The following PIP5K1B variants were observed in gnomAD, a reference collection of about 807,000 sequenced individuals.
PIP5K1B encodes phosphatidylinositol 4-phosphate 5-kinase type-1 beta.
PIP5K1B carries 42 observed loss-of-function variants against 67.0 expected under a neutral mutation model. The ratio of observed to expected loss-of-function variants is 0.63; its 90% CI spans 0.49 to 0.81. The LOEUF (loss-of-function observed/expected upper bound fraction) is 0.81. Ranked by LOEUF, PIP5K1B falls within the 30% of genes least tolerant of loss-of-function variation. PIP5K1B has a pLI of 0.00. For missense variants in PIP5K1B, 459 were observed against 646.3 expected (o/e 0.71, Z 3.14); for synonymous variants, 214 against 231.4 (o/e 0.92, Z 0.68).
intron 2 of PIP5K1B, among the ~76,000 whole-genome samples, chr9:68,807,523 C>A (rs1440010424): frequency 6.6e-6 from 1 of 152,190 alleles, no homozygotes; most frequent in Non-Finnish European, 1.5e-5. Flanking sequence ...AGACACCTGG[C>A]AGGGTAACTA....
intron 2 of PIP5K1B, among the ~76,000 whole-genome samples, chr9:68,754,175 C>CTTTTTTTTTTTCTTTTTTTTTTTTTT (rs564811222): frequency 9.9e-6 from 1 of 101,074 alleles, no homozygotes; most frequent in Non-Finnish European, 1.9e-5. Flanking sequence ...TCCATGATTT[C>CTTTTTTTTTTTCTTTTTTTTTTTTTT]TTTTTTTTTT....
chr9:68,759,958 A>G (rs1830112303), intron 2 of PIP5K1B, among the ~76,000 whole-genome samples: 1 of 152,152 alleles, frequency 6.6e-6, no homozygotes, highest in Non-Finnish European at 1.5e-5. Context: ...TTTGTAAAAA[A>G]TGAAAAGAAA....
At chr9:68,974,035 G>A (rs1244861159) in intron 14 of PIP5K1B, among the ~76,000 whole-genome samples, 1 of 152,110 alleles carries the variant, frequency 6.6e-6, no homozygotes, top group Admixed American at 6.5e-5. Flanking sequence ...GTGCCACCAT[G>A]CCTGGCTAAT....
chr9:68,806,618 C>A (rs1431520997), intron 2 of PIP5K1B, among the ~76,000 whole-genome samples: 1 of 152,210 alleles, frequency 6.6e-6, no homozygotes, highest in African/African-American at 2.4e-5. Flanking sequence ...CCCTTGAATT[C>A]CCATCGTATC....
intron 4 of PIP5K1B, among the ~76,000 whole-genome samples, chr9:68,851,473 A>G (rs1021866049): frequency 6.6e-6 from 1 of 152,240 alleles, no homozygotes; most frequent in Non-Finnish European, 1.5e-5. Context: ...ATGCTGCAGA[A>G]ATTATATCAG....
At chr9:68,973,093 G>A (rs1829470558) in intron 14 of PIP5K1B, among the ~76,000 whole-genome samples, 1 of 152,194 alleles carries the variant, frequency 6.6e-6, no homozygotes, top group Admixed American at 6.5e-5. Context: ...GCCCAAGCAA[G>A]CCCCAGCTAA....
At chr9:68,779,129 G>GA (rs11398004) in intron 2 of PIP5K1B, among the ~76,000 whole-genome samples, 10,939 of 144,200 alleles carry the variant, frequency 0.076, 872 homozygotes, top group African/African-American at 0.2. Flanking sequence ...TAAGTATGCT[G>GA]AAAAAAAAAA....
At chr9:68,780,114 G>C in intron 2 of PIP5K1B, 1 of 1,481,522 alleles carries the variant, frequency 6.7e-7, no homozygotes, top group Non-Finnish European at 8.9e-7. Context: ...TGCGGGGAAT[G>C]GGAATCCTAG....
intron 14 of PIP5K1B, among the ~76,000 whole-genome samples, chr9:68,983,362 G>A (rs1328784458): frequency 6.6e-6 from 1 of 152,176 alleles, no homozygotes; most frequent in African/African-American, 2.4e-5. Flanking sequence ...TGTGGAGGAT[G>A]TGGCTCATGC....
chr9:68,929,918 C>T (rs775312558), intron 12 of PIP5K1B, among the ~76,000 whole-genome samples: 6 of 152,252 alleles, frequency 3.9e-5, no homozygotes, highest in Non-Finnish European at 8.8e-5. Flanking sequence ...GATCCACCCA[C>T]CTTGGCCTCC....
intron 6 of PIP5K1B, among the ~76,000 whole-genome samples, chr9:68,884,046 C>T (rs1374749321): frequency 6.6e-6 from 1 of 152,132 alleles, no homozygotes; most frequent in Non-Finnish European, 1.5e-5. Context: ...AACTGTAAAA[C>T]TACTAGAAGA....
intron 15 of PIP5K1B, among the ~76,000 whole-genome samples, chr9:68,995,863 C>A (rs1830583131): frequency 6.6e-6 from 1 of 150,930 alleles, no homozygotes; most frequent in Admixed American, 6.6e-5. Context: ...GAAAGGAAAA[C>A]CAATCTTGCC....
chr9:68,920,803 TACACACACACACAC>T (rs59573461), intron 11 of PIP5K1B, among the ~76,000 whole-genome samples: 1 of 141,434 alleles, frequency 7.1e-6, no homozygotes, highest in African/African-American at 2.7e-5. Context: ...TACACACACA[TACACACACACACAC>T]ACACACACAC....
chr9:68,808,418 G>A (rs1297390305), intron 2 of PIP5K1B, among the ~76,000 whole-genome samples: 3 of 149,240 alleles, frequency 2.0e-5, no homozygotes, highest in East Asian at 3.9e-4. Flanking sequence ...CCACCACCCC[G>A]ACACTATCAC....
chr9:68,800,916 T>G (rs1241426520), intron 2 of PIP5K1B, among the ~76,000 whole-genome samples: 1 of 152,208 alleles, frequency 6.6e-6, no homozygotes, highest in Non-Finnish European at 1.5e-5. Flanking sequence ...TGGAATACTT[T>G]GAGCAGTTGT....
At chr9:68,779,471 C>T (rs1343181743) in intron 2 of PIP5K1B, among the ~76,000 whole-genome samples, 1 of 152,198 alleles carries the variant, frequency 6.6e-6, no homozygotes, top group Non-Finnish European at 1.5e-5. Context: ...AATATGTATT[C>T]TCCAGACTGC....
At chr9:68,861,822 C>T (rs908163223) in intron 4 of PIP5K1B, among the ~76,000 whole-genome samples, 1 of 151,934 alleles carries the variant, frequency 6.6e-6, no homozygotes, top group African/African-American at 2.4e-5. Flanking sequence ...CAAAAGGTCA[C>T]TGACGCCAAA....
intron 9 of PIP5K1B, 110 bp from the exon 10 acceptor site, chr9:68,919,369 T>G: frequency 3.3e-6 from 2 of 600,272 alleles, no homozygotes; most frequent in South Asian, 5.0e-5. Flanking sequence ...TAGCCCAGAA[T>G]TCTTAAAAAT....
chr9:68,788,324 A>G, intron 2 of PIP5K1B: 1 of 843,046 alleles, frequency 1.2e-6, no homozygotes, highest in East Asian at 3.4e-5. Context: ...CAAACTTGGA[A>G]CTTTCTAGCT....
Sources: gnomAD v4.1 joint callset for allele counts (sites outside exome capture counted in the v4.1 genomes callset) on GRCh38, gnomAD v4.1.1 for gene constraint, MANE v1.5 for transcripts, NCBI Gene and HGNC (gene_info 2026-07-23, HGNC 2026-07-21) for gene names.